CRTC3: variants seen among roughly 807,000 people sequenced by gnomAD.
CRTC3 encodes the protein CREB-regulated transcription coactivator 3.
CRTC3 carries 26 observed loss-of-function variants against 74.5 expected under a neutral mutation model. The observed-to-expected ratio is 0.35, with a 90% CI of 0.26 to 0.48. CRTC3 has a LOEUF of 0.48. CRTC3 is among the 20% of genes least tolerant of loss of function. The probability of loss-of-function intolerance (pLI) is 0.99; values close to 1 mark genes in which losing one functional copy is unlikely to be tolerated. For synonymous variants in CRTC3, 377 were observed against 325.8 expected (o/e 1.16, Z -1.69); for missense variants, 760 against 787.3 (o/e 0.97, Z 0.41).
intron 11 of CRTC3, among the ~76,000 whole-genome samples, chr15:90,633,976 C>A (rs1325784922): frequency 6.6e-6 from 1 of 151,406 alleles, no homozygotes; most frequent in African/African-American, 2.4e-5. Flanking sequence ...GCAATATCAT[C>A]TTTTATCTCT....
Position 90,556,869 on chromosome 15 carries a change from A to G in CRTC3, c.231+16732A>G, listed in dbSNP as rs144763397. On this transcript the variant is annotated intron_variant, in intron 2 of 14. Transcript: ENST00000268184. ...GACTACTTTCTAATTGCTTAATAGT[A>G]TGTATTGACTTGTCATTTCTAGAAA... Among the ~76,000 whole-genome samples, 1,345 of 151,534 alleles carry G rather than the reference A, an allele frequency of 8.9e-3. 17 individuals are homozygous for G. Among genetic ancestry groups the G allele is most frequent in the Non-Finnish European group, 0.013 (899 of 67,924 alleles).
Position 90,540,119 on chromosome 15 carries a change from C to A in CRTC3, c.213C>A (p.Ser71Arg), listed in dbSNP as rs1966779553. 2 of 1,611,144 alleles carry A rather than the reference C, an allele frequency of 1.2e-6. No homozygotes were observed. The highest frequency in any genetic ancestry group is 1.7e-6 in the Non-Finnish European group (2 of 1,178,226). ...GSLPNVSQLR[S>R]SASEFQPSFH... ...TACCAAATGTGAGCCAGCTGCGGAG[C>A]AGTGCGTCAGAGTTTCAGGTACCTC... Residue 71 changes from serine (S) to arginine (R), a missense_variant, in exon 2 of 15, where the codon AGC becomes AGA. Transcript: ENST00000268184.
intron 6 of CRTC3, among the ~76,000 whole-genome samples, chr15:90,609,521 C>G (rs976253833): frequency 2.6e-5 from 4 of 152,190 alleles, no homozygotes; most frequent in African/African-American, 7.2e-5. Flanking sequence ...TCTGCCTCTG[C>G]CGATCCTTCA....
rs7165376 is a variant in CRTC3 at position 90,568,476 on chromosome 15, G to A, written c.232-25160G>A. ...AGCGATTCTCCTGCCTCAGCCTCCC[G>A]AGTAGCTAGGATTACAGGCACATGC... is the stretch of plus-strand genomic sequence containing the variant. On this transcript the variant is annotated intron_variant, in intron 2 of 14. Coordinates refer to ENST00000268184, the MANE Select transcript of CRTC3 (RefSeq NM_022769.5). Among the ~76,000 whole-genome samples, 10 of 151,836 alleles carry A rather than the reference G, an allele frequency of 6.6e-5. No homozygotes were observed. In the South Asian group the frequency reaches 1.0e-3, roughly 16 times the overall value.
intron 2 of CRTC3, among the ~76,000 whole-genome samples, chr15:90,558,517 C>T (rs1017197434): frequency 1.7e-4 from 26 of 152,258 alleles, no homozygotes; most frequent in African/African-American, 5.8e-4. Flanking sequence ...ATGCCAGCCA[C>T]ACTGGCCTTT....
chr15:90,554,126 G>T (rs913036412), intron 2 of CRTC3, among the ~76,000 whole-genome samples: 1 of 152,084 alleles, frequency 6.6e-6, no homozygotes, highest in Non-Finnish European at 1.5e-5. Flanking sequence ...GAGTTTTGTG[G>T]AGAAGAATAA....
intron 3 of CRTC3, chr15:90,595,436 G>C (rs1967897743): frequency 6.6e-6 from 1 of 151,944 alleles, no homozygotes; most frequent in South Asian, 2.1e-4. Context: ...GCCAGGCTCG[G>C]TGGTGGGCAC....
intron 2 of CRTC3, among the ~76,000 whole-genome samples, chr15:90,571,872 C>G (rs1198736039): frequency 1.3e-5 from 2 of 152,018 alleles, no homozygotes; most frequent in Non-Finnish European, 2.9e-5. Context: ...ATCTTAAAAG[C>G]AAAACTTGAC....
intron 4 of CRTC3, among the ~76,000 whole-genome samples, 185 bp downstream of exon 4, chr15:90,602,570 A>G (rs1968097326): frequency 6.6e-6 from 1 of 152,110 alleles, no homozygotes; most frequent in South Asian, 2.1e-4. Flanking sequence ...GTTGTGTGCG[A>G]TGATGGGGCC....
At chr15:90,538,237 C>A (rs1966750190) in intron 1 of CRTC3, among the ~76,000 whole-genome samples, 1 of 152,178 alleles carries the variant, frequency 6.6e-6, no homozygotes, top group African/African-American at 2.4e-5. Context: ...CAGAGAATTT[C>A]AAGAATAGTC....
chr15:90,626,611 C>CTTTTTTTTTTTTT lies in CRTC3; in HGVS notation c.967+624_967+636dup, dbSNP rs922457681. Among the ~76,000 whole-genome samples the CTTTTTTTTTTTTT allele has an allele frequency of 2.2e-4, 30 of 133,416 alleles. 1 individual carries two copies. Among genetic ancestry groups the CTTTTTTTTTTTTT allele is most frequent in the African/African-American group, 8.2e-4 (28 of 34,168 alleles). The allele number at this position is 133,416 out of a possible 152,430, so 87.5% of individuals were successfully genotyped here. ...GACTACATTTGTTTGAAGCCTGACA[C>CTTTTTTTTTTTTT]TTTTTTTTTTTTTTTTTTGAGATGG... On this transcript the variant is annotated intron_variant, in intron 10 of 14. Coordinates refer to ENST00000268184, the MANE Select transcript of CRTC3 (RefSeq NM_022769.5).
chr15:90,643,142 C>T lies in CRTC3; in HGVS notation c.*1002C>T, dbSNP rs953101575. On this transcript the variant is annotated 3_prime_UTR_variant, in exon 15 of 15. Transcript: ENST00000268184. ...GGACAGTGCCTTATCATTGTTGAAC[C>T]CGTAGCACCTAACACGTGCGTGGCA... 1 of 232,370 alleles carries T rather than the reference C, an allele frequency of 4.3e-6. No homozygotes were observed. 14.4% of individuals were successfully genotyped at this position (232,370 alleles called of 1,614,324 possible).
chr15:90,622,042 G>C (rs1968668828), intron 9 of CRTC3, among the ~76,000 whole-genome samples: 1 of 152,188 alleles, frequency 6.6e-6, no homozygotes, highest in Non-Finnish European at 1.5e-5. Context: ...CCACCAGCGG[G>C]CGTTGAGGAA....
At chr15:90,595,741 T>C (rs1567177500) in intron 3 of CRTC3, 1 of 152,176 alleles carries the variant, frequency 6.6e-6, no homozygotes, top group Non-Finnish European at 1.5e-5. Context: ...ATGCATATAG[T>C]TTTACTAACC....
chr15:90,608,715 C>A (rs547313922), intron 6 of CRTC3, among the ~76,000 whole-genome samples: 42 of 152,288 alleles, frequency 2.8e-4, no homozygotes, highest in African/African-American at 8.2e-4. Flanking sequence ...AGCACAGTGC[C>A]CGGCACAGAG....
At chr15:90,578,905 TAAGC>T (rs1967470582) in intron 2 of CRTC3, among the ~76,000 whole-genome samples, 2 of 152,210 alleles carry the variant, frequency 1.3e-5, no homozygotes, top group Non-Finnish European at 2.9e-5. Flanking sequence ...CTAATGATTC[TAAGC>T]ATCTGTAATC....
At chr15:90,619,867 A>G (rs577544474) in intron 9 of CRTC3, 77 bp downstream of exon 9, 1 of 1,221,912 alleles carries the variant, frequency 8.2e-7, no homozygotes, top group South Asian at 1.2e-5. Flanking sequence ...GCTTTGTTAC[A>G]GAACTCTCAG....
chr15:90,631,164 G>A lies in CRTC3; in HGVS notation c.1266+1632G>A, dbSNP rs1381490877. On this transcript the variant is annotated intron_variant, in intron 11 of 14. Transcript: ENST00000268184. ...GACAGAACACAACGGAGAGTTAGAG[G>A]ATCTTGTTATTGGTCACTCTTTACC... is the stretch of plus-strand genomic sequence containing the variant. Among the ~76,000 whole-genome samples, 7 of 152,312 alleles carry A rather than the reference G, an allele frequency of 4.6e-5. No individual in the cohort carries two copies. In the East Asian group the frequency reaches 1.2e-3, roughly 25 times the overall value.
intron 2 of CRTC3, among the ~76,000 whole-genome samples, chr15:90,585,606 T>C (rs781050500): frequency 1.3e-5 from 2 of 152,126 alleles, no homozygotes; most frequent in Non-Finnish European, 2.9e-5. Flanking sequence ...TGAGTTTTAG[T>C]TTTTAGGCTG....
Sources: gnomAD v4.1 joint callset for allele counts (sites outside exome capture counted in the v4.1 genomes callset) on GRCh38, gnomAD v4.1.1 for gene constraint, MANE v1.5 for transcripts, NCBI Gene and HGNC (gene_info 2026-07-23, HGNC 2026-07-21) for gene names.